AGFG1: variants seen among roughly 807,000 people sequenced by gnomAD.
AGFG1 encodes the protein arf-GAP domain and FG repeat-containing protein 1.
Under a neutral mutation model 60.6 loss-of-function variants are expected in AGFG1, and 10 were observed. The observed-to-expected ratio is 0.16, with a 90% CI of 0.10 to 0.28. The LOEUF (loss-of-function observed/expected upper bound fraction) is 0.28. Among genes scored for constraint, AGFG1 ranks in the 10% least tolerant of loss-of-function variants. The pLI is 1.00. For synonymous variants in AGFG1, 247 were observed against 242.9 expected, an observed-to-expected ratio of 1.02 and a Z score of -0.16; for missense variants, 537 against 676.5, an observed-to-expected ratio of 0.79 and a Z score of 2.29.
At chr2:227,549,164 T>A (rs1267965538) in intron 10 of AGFG1, among the ~76,000 whole-genome samples, 1 of 152,114 alleles carries the variant, frequency 6.6e-6, no homozygotes, top group African/African-American at 2.4e-5. Flanking sequence ...TCTCTATCCC[T>A]CCACCTCATT....
chr2:227,559,079 C>T lies in AGFG1; in HGVS notation c.*4584C>T, dbSNP rs973918515. 16 of 152,194 alleles carry T rather than the reference C, an allele frequency of 1.1e-4. No individual in the cohort carries two copies. The highest frequency in any genetic ancestry group is 3.9e-4 in the African/African-American group (16 of 41,452). The allele number at this position is 152,194 out of a possible 1,614,324, so 9.4% of individuals were successfully genotyped here. A position where few individuals can be genotyped will look rare whatever the true frequency, so the allele number is the denominator to read the frequency against. On this transcript the variant is annotated 3_prime_UTR_variant, in exon 13 of 13. Coordinates refer to ENST00000310078, the MANE Select transcript of AGFG1 (RefSeq NM_004504.5). ...TCTGCAAAGACCCAAGTATCGTGAA[C>T]CTTGGTTTTAAAAAGTCCAATTATT...
chr2:227,539,442 C>CAAAAA (rs542351308), intron 10 of AGFG1, among the ~76,000 whole-genome samples: 1 of 39,482 alleles, frequency 2.5e-5, no homozygotes, highest in Non-Finnish European at 6.2e-5. Context: ...GACTCTGTCT[C>CAAAAA]AAAAAAAACA....
At chr2:227,521,901 A>G (rs977676425) in intron 3 of AGFG1, among the ~76,000 whole-genome samples, 1 of 152,242 alleles carries the variant, frequency 6.6e-6, no homozygotes, top group Non-Finnish European at 1.5e-5. Context: ...AATAAGAGTT[A>G]TACAAATAGA....
chr2:227,486,702 C>A (rs1042970681), intron 1 of AGFG1, among the ~76,000 whole-genome samples: 1 of 152,046 alleles, frequency 6.6e-6, no homozygotes, highest in African/African-American at 2.4e-5. Flanking sequence ...AAGATTGAAC[C>A]TTGGTAGAGT....
rs140942557 is a variant in AGFG1 at position 227,552,095 on chromosome 2, A to C, written c.1515A>C (p.Thr505=). 1.8e-5 allele frequency: 29 copies of C among 1,614,208 alleles called. No individual in the cohort carries two copies. In the South Asian group the frequency reaches 1.9e-4, roughly 10 times the overall value. ...CCCAAGCAGCTTTCCCTCAACAGAC[A>C]GCTTTTTCTCAACAGCCCAATGGTA... ...FPAQAAFPQQ[T]AFSQQPNGAG... is the part of the protein sequence containing the mutation. Residue 505 remains threonine, a synonymous_variant, in exon 11 of 13, where the codon ACA becomes ACC. Coordinates refer to ENST00000310078, the MANE Select transcript of AGFG1 (RefSeq NM_004504.5).
chr2:227,554,555 T>C lies in AGFG1; in HGVS notation c.*60T>C. ...TGTGGTCACATTACATCTCTCCACC[T>C]CTTGCACTGTTGTCTTGTTTCACTG... is the stretch of plus-strand genomic sequence containing the variant. On this transcript the variant is annotated 3_prime_UTR_variant, in exon 13 of 13. Transcript: ENST00000310078. 7.4e-7 allele frequency: 1 copy of C among 1,346,112 alleles called. No individual in the cohort carries two copies. Among genetic ancestry groups the C allele is most frequent in the Non-Finnish European group, 1.1e-6 (1 of 949,450 alleles). The allele number at this position is 1,346,112 out of a possible 1,614,324, so 83.4% of individuals were successfully genotyped here. A position where few individuals can be genotyped will look rare whatever the true frequency, so the allele number is the denominator to read the frequency against.
intron 2 of AGFG1, among the ~76,000 whole-genome samples, chr2:227,495,836 C>T (rs557139001): frequency 6.6e-6 from 1 of 152,024 alleles, no homozygotes; most frequent in African/African-American, 2.4e-5. Flanking sequence ...AGTGCAGTGG[C>T]TCATGCTTGT....
intron 2 of AGFG1, among the ~76,000 whole-genome samples, chr2:227,515,496 C>T (rs1691624263): frequency 6.6e-6 from 1 of 152,192 alleles, no homozygotes. Context: ...TCTATTCCTT[C>T]ATTTCACTAA....
chr2:227,521,429 CATCAA>C (rs1691824925), intron 3 of AGFG1, among the ~76,000 whole-genome samples: 1 of 152,106 alleles, frequency 6.6e-6, no homozygotes, highest in Non-Finnish European at 1.5e-5. Context: ...TACTAGAAGA[CATCAA>C]GTATGAAAAT....
chr2:227,483,381 AT>A (rs1363259080), intron 1 of AGFG1, among the ~76,000 whole-genome samples: 2 of 152,154 alleles, frequency 1.3e-5, no homozygotes, highest in African/African-American at 4.8e-5. Flanking sequence ...ATACGTTATA[AT>A]TTTTTGGTAT....
chr2:227,497,089 A>C (rs1198933057), intron 2 of AGFG1, among the ~76,000 whole-genome samples: 1 of 152,154 alleles, frequency 6.6e-6, no homozygotes, highest in Non-Finnish European at 1.5e-5. Flanking sequence ...TGTAGTGGCC[A>C]GATAGTAAAT....
At chr2:227,474,121 T>C (rs1349646879) in intron 1 of AGFG1, among the ~76,000 whole-genome samples, 2 of 152,122 alleles carry the variant, frequency 1.3e-5, no homozygotes, top group African/African-American at 4.8e-5. Flanking sequence ...CAGAGCTAGG[T>C]GATATCAAGG....
At chr2:227,504,719 TTTTA>T (rs1691260969) in intron 2 of AGFG1, among the ~76,000 whole-genome samples, 2 of 152,272 alleles carry the variant, frequency 1.3e-5, no homozygotes, top group African/African-American at 4.8e-5. Context: ...GTGGTTTAAT[TTTTA>T]CATATTTGAG....
intron 2 of AGFG1, among the ~76,000 whole-genome samples, chr2:227,503,075 A>C (rs148380552): frequency 6.6e-6 from 1 of 151,940 alleles, no homozygotes; most frequent in African/African-American, 2.4e-5. Context: ...TCTACAAAAA[A>C]TACAAAAGTT....
At chr2:227,534,819 T>C in intron 7 of AGFG1, 26 bp from the exon 8 acceptor site, 6 of 1,603,760 alleles carry the variant, frequency 3.7e-6, no homozygotes, top group Non-Finnish European at 5.1e-6. Flanking sequence ...AAATTTTTGG[T>C]GTAACTTGAT....
chr2:227,518,233 G>A (rs1691712308), intron 2 of AGFG1, among the ~76,000 whole-genome samples: 2 of 152,104 alleles, frequency 1.3e-5, no homozygotes. Flanking sequence ...CCAGTTTGGG[G>A]TTATTATCAG....
intron 5 of AGFG1, among the ~76,000 whole-genome samples, chr2:227,526,708 GT>G (rs989845694): frequency 5.9e-4 from 86 of 146,260 alleles, no homozygotes; most frequent in Non-Finnish European, 1.2e-3. Flanking sequence ...ACTCCCGGCT[GT>G]TTTTTGTGTT....
intron 5 of AGFG1, 61 bp downstream of exon 5, chr2:227,524,976 A>G: frequency 6.4e-7 from 1 of 1,573,246 alleles, no homozygotes; most frequent in Non-Finnish European, 8.7e-7. Context: ...AGAAACATCA[A>G]TTCTTTATCA....
intron 1 of AGFG1, among the ~76,000 whole-genome samples, chr2:227,487,582 T>C (rs550027446): frequency 6.6e-6 from 1 of 152,346 alleles, no homozygotes; most frequent in South Asian, 2.1e-4. Flanking sequence ...ATCTTGTACA[T>C]AGGTGGTCAG....
Sources: allele counts gnomAD v4.1 joint callset (sites outside exome capture counted in the v4.1 genomes callset), GRCh38; gene constraint gnomAD v4.1.1; transcripts MANE v1.5; gene names NCBI Gene and HGNC (gene_info 2026-07-23, HGNC 2026-07-21).